NTM: variants seen among roughly 807,000 people sequenced by gnomAD.
The protein encoded by NTM is IgLON family member 2.
Under a neutral mutation model 42.1 loss-of-function variants are expected in NTM, and 13 were observed. The observed-to-expected ratio is 0.31, with a 90% confidence interval of 0.20 to 0.49. The LOEUF is 0.49. Among genes scored for constraint, NTM ranks in the 20% least tolerant of loss-of-function variants. The probability of loss-of-function intolerance (pLI) is 0.99; values close to 1 mark genes in which losing one functional copy is unlikely to be tolerated. For synonymous variants in NTM, 187 were observed against 179.2 expected (o/e 1.04, Z -0.35); for missense variants, 373 against 452.8 (o/e 0.82, Z 1.60).
chr11:131,376,163 G>A (rs376254817), intron 1 of NTM, among the ~76,000 whole-genome samples: 9 of 152,168 alleles, frequency 5.9e-5, no homozygotes, highest in Non-Finnish European at 1.2e-4. Flanking sequence ...GGATGGAAGC[G>A]GGGAGGGAGG....
chr11:132,248,303 AT>A (rs1005589423), intron 4 of NTM, among the ~76,000 whole-genome samples: 6 of 151,956 alleles, frequency 3.9e-5, no homozygotes, highest in African/African-American at 1.2e-4. Context: ...AACAATGGCA[AT>A]TTTTTTCCCT....
chr11:131,674,900 C>G (rs961151312), intron 1 of NTM, among the ~76,000 whole-genome samples: 4 of 152,230 alleles, frequency 2.6e-5, no homozygotes, highest in Non-Finnish European at 4.4e-5. Flanking sequence ...TATATTCTCC[C>G]TTTCATCTGG....
rs756083865 is a variant in NTM, at chr11:131,676,680, C to T, written c.83-234884C>T. 1.1e-4 allele frequency among the ~76,000 whole-genome samples: 16 copies of T among 152,344 alleles called. No individual in the cohort carries two copies. In the South Asian group the frequency reaches 1.2e-3, roughly 12 times the overall value. On this transcript the variant is annotated intron_variant, in intron 1 of 8. Transcript: ENST00000683400. ...GGAGAGACAGATTTGCTCAAGAAGT[C>T]TGCCTGGTGCACTTTTTCTTCGTTG...
At chr11:131,651,184 G>T (rs1361345366) in intron 1 of NTM, among the ~76,000 whole-genome samples, 1 of 152,124 alleles carries the variant, frequency 6.6e-6, no homozygotes, top group Admixed American at 6.5e-5. Flanking sequence ...ATTTGTTGAG[G>T]ATTTACTTTG....
chr11:131,734,635 C>T (rs192727097), intron 1 of NTM, among the ~76,000 whole-genome samples: 1 of 152,156 alleles, frequency 6.6e-6, no homozygotes, highest in Non-Finnish European at 1.5e-5. Flanking sequence ...ATGTCCTCTT[C>T]CTTTGGGGTA....
At chr11:132,071,191 A>T (rs374684444) in intron 2 of NTM, among the ~76,000 whole-genome samples, 17 of 124,882 alleles carry the variant, frequency 1.4e-4, no homozygotes, top group East Asian at 4.9e-4. Context: ...AACACGTCAC[A>T]CAGCCAAGTT....
At chr11:132,072,221 AC>A (rs1472447541) in intron 2 of NTM, among the ~76,000 whole-genome samples, 1 of 152,224 alleles carries the variant, frequency 6.6e-6, no homozygotes, top group Non-Finnish European at 1.5e-5. Context: ...CAGCCAGCAT[AC>A]TGTAAAACAA....
intron 3 of NTM, among the ~76,000 whole-genome samples, chr11:132,149,125 T>A (rs1189615756): frequency 6.6e-6 from 1 of 150,914 alleles, no homozygotes; most frequent in Non-Finnish European, 1.5e-5. Flanking sequence ...ACCATAGTTT[T>A]TTCAGAGCCA....
At chr11:131,585,993 C>G (rs2058823598) in intron 1 of NTM, among the ~76,000 whole-genome samples, 1 of 152,226 alleles carries the variant, frequency 6.6e-6, no homozygotes, top group Non-Finnish European at 1.5e-5. Flanking sequence ...AACTGTTGAG[C>G]ACAGAAACTT....
intron 3 of NTM, among the ~76,000 whole-genome samples, chr11:132,190,461 G>C (rs2079120672): frequency 6.6e-6 from 1 of 152,198 alleles, no homozygotes; most frequent in African/African-American, 2.4e-5. Context: ...GAAAGGGCCG[G>C]GTGTGGTGGC....
chr11:131,698,154 GCTCT>G (rs531383767), intron 1 of NTM, among the ~76,000 whole-genome samples: 49 of 152,178 alleles, frequency 3.2e-4, no homozygotes, highest in African/African-American at 1.1e-3. Context: ...ACTTTTAGAG[GCTCT>G]CTAAGGTTCC....
chr11:131,849,171 C>T (rs151045823), intron 1 of NTM, among the ~76,000 whole-genome samples: 46 of 152,264 alleles, frequency 3.0e-4, no homozygotes, highest in South Asian at 2.5e-3. Context: ...AAGATAGTGA[C>T]GTAGATCCTG....
rs1413154586 is a variant in NTM at position 131,501,128 on chromosome 11, A to G, written c.82+130240A>G. Reference sequence around the variant, plus strand: ...GGACCTGCCTAGATACGTAACCACAATCCAACCAGAGGGCAGCAAAATCTC... The same window carrying G: ...GGACCTGCCTAGATACGTAACCACAGTCCAACCAGAGGGCAGCAAAATCTC... On this transcript the variant is annotated intron_variant, in intron 1 of 8. Transcript: ENST00000683400. Among the ~76,000 whole-genome samples, 4 of 152,074 alleles carry G rather than the reference A, an allele frequency of 2.6e-5. No homozygotes were observed. In the South Asian group the frequency reaches 8.3e-4, roughly 32 times the overall value.
At chr11:131,942,790 G>A (rs1228186861) in intron 2 of NTM, among the ~76,000 whole-genome samples, 7 of 151,724 alleles carry the variant, frequency 4.6e-5, no homozygotes, top group African/African-American at 1.5e-4. Context: ...TACTAAAAAC[G>A]CAAAAATTAG....
chr11:131,481,064 G>T (rs894273533), intron 1 of NTM, among the ~76,000 whole-genome samples: 2 of 152,118 alleles, frequency 1.3e-5, no homozygotes, highest in African/African-American at 4.8e-5. Context: ...ATGCTTGAGT[G>T]AAGAAAACAG....
chr11:131,577,300 G>A (rs1369127051), intron 1 of NTM, among the ~76,000 whole-genome samples: 2 of 152,096 alleles, frequency 1.3e-5, no homozygotes, highest in Non-Finnish European at 2.9e-5. Context: ...AAATGACAAG[G>A]ATTCTTTGGG....
intron 2 of NTM, among the ~76,000 whole-genome samples, chr11:132,121,459 A>T (rs1233937974): frequency 6.6e-6 from 1 of 152,224 alleles, no homozygotes; most frequent in African/African-American, 2.4e-5. Context: ...GATGAGGGAC[A>T]AATGGAAAAT....
intron 1 of NTM, among the ~76,000 whole-genome samples, chr11:131,371,732 C>A (rs770278238): frequency 4.0e-5 from 6 of 150,984 alleles, no homozygotes; most frequent in Non-Finnish European, 7.4e-5. Context: ...CCGGCTCTCA[C>A]GTCTGTTCGT....
At chr11:131,888,685 C>T (rs2050777297) in intron 1 of NTM, among the ~76,000 whole-genome samples, 1 of 152,186 alleles carries the variant, frequency 6.6e-6, no homozygotes, top group African/African-American at 2.4e-5. Flanking sequence ...ATCCTGCCTC[C>T]TATTTTCATA....
Sources: allele counts gnomAD v4.1 joint callset (sites outside exome capture counted in the v4.1 genomes callset), GRCh38; gene constraint gnomAD v4.1.1; transcripts MANE v1.5; gene names NCBI Gene and HGNC (gene_info 2026-07-23, HGNC 2026-07-21).